MICAL2: variants seen among roughly 807,000 people sequenced by gnomAD.
MICAL2 encodes the protein [F-actin]-monooxygenase MICAL2.
Under a neutral mutation model 127.3 loss-of-function variants are expected in MICAL2, and 77 were observed. That is an observed-to-expected ratio of 0.60 (90% CI 0.50 to 0.73). The LOEUF is 0.73. Ranked by LOEUF, MICAL2 falls within the 30% of genes least tolerant of loss-of-function variation. The pLI is 0.00. For missense variants in MICAL2, 1,351 were observed against 1,434.4 expected (o/e 0.94, Z 0.94); for synonymous variants, 570 against 551.1 (o/e 1.03, Z -0.48).
downstream of MICAL2, among the ~76,000 whole-genome samples, chr11:12,297,049 T>A (rs1256343548): frequency 6.6e-6 from 1 of 152,150 alleles, no homozygotes; most frequent in African/African-American, 2.4e-5. Flanking sequence ...TGCGTGAATT[T>A]ATCTTTAGGA....
chr11:12,236,033 C>T, intron 15 of MICAL2, 144 bp from the exon 16 acceptor site: 1 of 696,980 alleles, frequency 1.4e-6, no homozygotes, highest in Non-Finnish European at 2.6e-6. Flanking sequence ...TACTACCACT[C>T]CTGCCTGTAG....
chr11:12,313,429 A>G (rs1864197849), intron 29 of MICAL2, among the ~76,000 whole-genome samples: 1 of 152,146 alleles, frequency 6.6e-6, no homozygotes. Context: ...CTGAGACCCT[A>G]CAATTTCTAC....
At chr11:12,125,652 T>G (rs551541585) in intron 1 of MICAL2, among the ~76,000 whole-genome samples, 2 of 152,228 alleles carry the variant, frequency 1.3e-5, no homozygotes, top group African/African-American at 4.8e-5. Flanking sequence ...GTGTCTAGTC[T>G]GCTATCAGTT....
chr11:12,302,447 T>A (rs1864058495), intron 29 of MICAL2, among the ~76,000 whole-genome samples: 1 of 152,250 alleles, frequency 6.6e-6, no homozygotes, highest in Non-Finnish European at 1.5e-5. Context: ...TGTTTTGTTT[T>A]GTTGATGTTG....
chr11:12,348,853 G>A (rs865990267), intron 32 of MICAL2, among the ~76,000 whole-genome samples: 30 of 152,302 alleles, frequency 2.0e-4, no homozygotes, highest in African/African-American at 7.0e-4. Flanking sequence ...ATTAGGTGCT[G>A]CATATAAGGC....
At chr11:12,160,655 G>C in intron 2 of MICAL2, among the ~76,000 whole-genome samples, 1 of 152,112 alleles carries the variant, frequency 6.6e-6, no homozygotes, top group East Asian at 1.9e-4. Context: ...AAGCTTTCTT[G>C]AGATTTCTCT....
At chr11:12,111,334 C>G (rs1849591152) in intron 1 of MICAL2, among the ~76,000 whole-genome samples, 2 of 152,238 alleles carry the variant, frequency 1.3e-5, no homozygotes, top group African/African-American at 4.8e-5. Flanking sequence ...TCCCGCATCC[C>G]CAGTAGCCCG....
chr11:12,308,703 C>G (rs1273091688), intron 29 of MICAL2, among the ~76,000 whole-genome samples: 1 of 152,148 alleles, frequency 6.6e-6, no homozygotes, highest in African/African-American at 2.4e-5. Context: ...ATCTTCCTTT[C>G]CAGTTTGTAT....
chr11:12,260,949 G>A, intron 26 of MICAL2: 2 of 985,468 alleles, frequency 2.0e-6, no homozygotes, highest in Non-Finnish European at 2.4e-6. Context: ...AAGCCCATTG[G>A]CATTTGACCA....
chr11:12,114,471 G>A (rs1849839024), intron 1 of MICAL2, among the ~76,000 whole-genome samples: 1 of 152,124 alleles, frequency 6.6e-6, no homozygotes, highest in African/African-American at 2.4e-5. Context: ...TTTATGCCTG[G>A]TTTTAGTTTA....
Position 12,245,868 on chromosome 11 carries a change from C to T in MICAL2, c.2784+1756C>T, listed in dbSNP as rs147089625. 2.0e-5 allele frequency among the ~76,000 whole-genome samples: 3 copies of T among 152,340 alleles called. No homozygotes were observed. In the East Asian group the frequency reaches 5.8e-4, roughly 29 times the overall value. On this transcript the variant is annotated intron_variant, in intron 21 of 27. Coordinates refer to ENST00000683283, the MANE Select transcript of MICAL2 (RefSeq NM_001282663.2). Reference sequence around the variant, plus strand: ...TCCCTACTACGGGAAAAGGTCATGGCACCCTTGGCAGGATGGTGGGAGGGG... The same window carrying T: ...TCCCTACTACGGGAAAAGGTCATGGTACCCTTGGCAGGATGGTGGGAGGGG...
intron 2 of MICAL2, chr11:12,153,396 TGCAACCATC>T (rs1287363036): frequency 2.0e-5 from 3 of 152,194 alleles, no homozygotes; most frequent in Admixed American, 2.0e-4. Context: ...CATGTTGTTA[TGCAACCATC>T]ACTACCATCC....
downstream of MICAL2, chr11:12,294,513 C>A (rs777032658): frequency 1.5e-5 from 24 of 1,614,132 alleles, no homozygotes; most frequent in Non-Finnish European, 2.0e-5. Flanking sequence ...GCACTTAGGT[C>A]CCCACCCTGC....
At chr11:12,229,233 C>T (rs555909110) in intron 15 of MICAL2, among the ~76,000 whole-genome samples, 2 of 152,180 alleles carry the variant, frequency 1.3e-5, no homozygotes, top group East Asian at 3.9e-4. Flanking sequence ...ATACTTCATG[C>T]TTCTGTGGCT....
intron 15 of MICAL2, among the ~76,000 whole-genome samples, chr11:12,233,590 G>A (rs575502314): frequency 4.6e-5 from 7 of 152,264 alleles, no homozygotes; most frequent in South Asian, 2.1e-4. Flanking sequence ...AGATATCTAC[G>A]TCTTTGATTT....
intron 1 of MICAL2, among the ~76,000 whole-genome samples, chr11:12,136,430 A>C (rs879841865): frequency 6.6e-6 from 1 of 152,196 alleles, no homozygotes; most frequent in Non-Finnish European, 1.5e-5. Context: ...TGGGAGGATT[A>C]GCTGAGGTAG....
chr11:12,204,182 C>T, intron 3 of MICAL2, 68 bp from the exon 4 acceptor site: 1 of 1,478,938 alleles, frequency 6.8e-7, no homozygotes, highest in Non-Finnish European at 9.4e-7. Flanking sequence ...AGTTTTCCTG[C>T]TGACTGGGGG....
chr11:12,344,472 CTATTATTA>C (rs1334307748), intron 32 of MICAL2, among the ~76,000 whole-genome samples: 1 of 141,476 alleles, frequency 7.1e-6, no homozygotes, highest in Non-Finnish European at 1.5e-5. Context: ...ATTCTAGAAA[CTATTATTA>C]TTATTATTAT....
chr11:12,351,319 G>T (rs1206984426), intron 33 of MICAL2, among the ~76,000 whole-genome samples: 3 of 152,110 alleles, frequency 2.0e-5, no homozygotes, highest in Non-Finnish European at 4.4e-5. Flanking sequence ...GACCAGTGGG[G>T]TTCAGCCAGG....
Sources: allele counts gnomAD v4.1 joint callset (sites outside exome capture counted in the v4.1 genomes callset), GRCh38; gene constraint gnomAD v4.1.1; transcripts MANE v1.5; gene names NCBI Gene and HGNC (gene_info 2026-07-23, HGNC 2026-07-21).